The following FANK1 variants were observed in gnomAD, a reference collection of about 807,000 sequenced individuals.
FANK1 encodes fibronectin type 3 and ankyrin repeat domains protein 1.
A neutral mutation model predicts 45.3 loss-of-function variants in FANK1; 44 were observed. The ratio of observed to expected loss-of-function variants is 0.97; its 90% CI spans 0.76 to 1.25. FANK1 has a LOEUF of 1.25. Among genes scored for constraint, FANK1 ranks in the 50% most tolerant of loss-of-function variants. FANK1 has a pLI of 0.00. For synonymous variants in FANK1, 149 were observed against 152.5 expected (o/e 0.98, Z 0.17); for missense variants, 391 against 424.4 (o/e 0.92, Z 0.69).
intron 1 of FANK1, among the ~76,000 whole-genome samples, chr10:125,952,098 C>A (rs530739496): frequency 1.3e-5 from 2 of 152,220 alleles, no homozygotes; most frequent in South Asian, 4.1e-4. Context: ...ATAAATCAGG[C>A]AGCCTCATCC....
At chr10:125,968,233 C>T (rs1950296225) in intron 1 of FANK1, among the ~76,000 whole-genome samples, 1 of 152,120 alleles carries the variant, frequency 6.6e-6, no homozygotes, top group South Asian at 2.1e-4. Context: ...GTTGGGATTA[C>T]AGATGTTGGT....
At chr10:125,944,967 T>A (rs569223102) in intron 1 of FANK1, among the ~76,000 whole-genome samples, 1 of 152,322 alleles carries the variant, frequency 6.6e-6, no homozygotes, top group African/African-American at 2.4e-5. Flanking sequence ...CTAGTGCTGC[T>A]AGGTTAGGGT....
chr10:125,907,495 G>A (rs1351872604), intron 1 of FANK1: 9 of 985,116 alleles, frequency 9.1e-6, no homozygotes, highest in Admixed American at 6.2e-5. Context: ...GGATGAAATC[G>A]AGTGAACGTG....
chr10:125,950,156 A>G (rs1949104437), intron 1 of FANK1, among the ~76,000 whole-genome samples: 1 of 150,172 alleles, frequency 6.7e-6, no homozygotes, highest in Non-Finnish European at 1.5e-5. Flanking sequence ...CTAAAACCAT[A>G]AAAACCCTAG....
At chr10:125,918,585 A>AAAATAT (rs1554913277) in intron 1 of FANK1, among the ~76,000 whole-genome samples, 17 of 70,972 alleles carry the variant, frequency 2.4e-4, no homozygotes, top group African/African-American at 1.0e-3. Context: ...AAAAAAAAAA[A>AAAATAT]ATATATATAT....
chr10:125,957,578 G>A (rs1370499086), intron 1 of FANK1, among the ~76,000 whole-genome samples: 1 of 151,964 alleles, frequency 6.6e-6, no homozygotes, highest in Non-Finnish European at 1.5e-5. Flanking sequence ...AGGCTGGAGT[G>A]TGCTGGCATG....
At chr10:125,947,299 A>G (rs1308022912) in intron 1 of FANK1, among the ~76,000 whole-genome samples, 7 of 150,368 alleles carry the variant, frequency 4.7e-5, no homozygotes, top group Non-Finnish European at 9.0e-5. Context: ...AAATTCTCCA[A>G]TTAAAAGACA....
chr10:125,911,963 G>A (rs1483946973), intron 1 of FANK1, among the ~76,000 whole-genome samples: 2 of 152,182 alleles, frequency 1.3e-5, no homozygotes, highest in Non-Finnish European at 2.9e-5. Flanking sequence ...GAAAAAATGC[G>A]ATGTAGAATC....
At chr10:125,931,344 G>T (rs1349821650) in intron 1 of FANK1, among the ~76,000 whole-genome samples, 1 of 152,220 alleles carries the variant, frequency 6.6e-6, no homozygotes. Context: ...CAGTGTAGAA[G>T]TGTTTCCTGT....
chr10:125,954,271 CTG>C (rs1258714590), intron 1 of FANK1, among the ~76,000 whole-genome samples: 1 of 152,086 alleles, frequency 6.6e-6, no homozygotes, highest in Non-Finnish European at 1.5e-5. Flanking sequence ...TTTACTGAAA[CTG>C]AGACAGGGAG....
chr10:125,958,958 GA>G (rs1949747720), intron 1 of FANK1, among the ~76,000 whole-genome samples: 3 of 152,110 alleles, frequency 2.0e-5, no homozygotes, highest in Non-Finnish European at 2.9e-5. Flanking sequence ...GTTGTCTTCT[GA>G]AAGCCCCAAA....
intron 1 of FANK1, among the ~76,000 whole-genome samples, chr10:125,949,058 A>G (rs1949017265): frequency 6.6e-6 from 1 of 151,010 alleles, no homozygotes; most frequent in Non-Finnish European, 1.5e-5. Flanking sequence ...GCCTTTGACA[A>G]AATTCAACAA....
chr10:125,986,597 GTGT>G (rs1396554768), intron 2 of FANK1, among the ~76,000 whole-genome samples: 2 of 152,134 alleles, frequency 1.3e-5, no homozygotes. Flanking sequence ...ACTTTCCCAG[GTGT>G]TGTGTGTTCT....
intron 5 of FANK1, 56 bp downstream of exon 5, chr10:125,996,680 C>A: frequency 6.4e-7 from 1 of 1,555,312 alleles, no homozygotes; most frequent in South Asian, 1.1e-5. Context: ...TTATTTTATT[C>A]AAAGGCTCTG....
At position 125,965,360 on chromosome 10, in the gene FANK1, C is replaced by T. The variant is rs143847394; in HGVS notation, c.14-14801C>T. On this transcript the variant is annotated intron_variant, in intron 1 of 10. Coordinates refer to ENST00000368693, the MANE Select transcript of FANK1 (RefSeq NM_145235.5). The stretch of plus-strand genomic sequence containing the variant: ...AACACTTTGCTATTGTGAAAGTATC[C>T]TACCATTTCTTACTGTGAATATATT... 2.9e-3 allele frequency among the ~76,000 whole-genome samples: 439 copies of T among 152,256 alleles called. 2 individuals are homozygous for T. The highest frequency in any genetic ancestry group is 9.9e-3 in the African/African-American group (410 of 41,552).
intron 1 of FANK1, among the ~76,000 whole-genome samples, chr10:125,930,088 T>C (rs1947647370): frequency 6.6e-6 from 1 of 152,174 alleles, no homozygotes; most frequent in Non-Finnish European, 1.5e-5. Context: ...GAGGTCTTGC[T>C]CTGTCACCCA....
chr10:125,900,617 G>T (rs1195551370), intron 1 of FANK1, among the ~76,000 whole-genome samples: 3 of 150,442 alleles, frequency 2.0e-5, no homozygotes, highest in African/African-American at 7.5e-5. Context: ...TCTGCTACAC[G>T]TTTCTTTCTG....
At chr10:125,917,582 G>A (rs111441062) in intron 1 of FANK1, among the ~76,000 whole-genome samples, 1 of 150,628 alleles carries the variant, frequency 6.6e-6, no homozygotes, top group Non-Finnish European at 1.5e-5. Flanking sequence ...TTCCTAGTTA[G>A]ATCAAGTTAC....
intron 1 of FANK1, among the ~76,000 whole-genome samples, chr10:125,914,317 A>G (rs2134119428): frequency 1.4e-5 from 2 of 144,136 alleles, no homozygotes; most frequent in South Asian, 4.6e-4. Context: ...TGGTCTTTTT[A>G]TGTGTCAGTT....
Sources: allele counts gnomAD v4.1 joint callset (sites outside exome capture counted in the v4.1 genomes callset), GRCh38; gene constraint gnomAD v4.1.1; transcripts MANE v1.5; gene names NCBI Gene and HGNC (gene_info 2026-07-23, HGNC 2026-07-21).